Variants in NIBAN2 observed in about 807,000 individuals in gnomAD.
NIBAN2 encodes niban apoptosis regulator 2.
Under a neutral mutation model 81.8 loss-of-function variants are expected in NIBAN2, and 36 were observed. The ratio of observed to expected loss-of-function variants is 0.44; its 90% confidence interval spans 0.34 to 0.58. NIBAN2 has a LOEUF of 0.58. NIBAN2 is among the 20% of genes least tolerant of loss of function. The pLI is 0.02. For missense variants in NIBAN2, 897 were observed against 1,014.1 expected, an observed-to-expected ratio of 0.88 and a Z score of 1.57; for synonymous variants, 445 against 441.6, an observed-to-expected ratio of 1.01 and a Z score of -0.10.
intron 1 of NIBAN2, among the ~76,000 whole-genome samples, chr9:127,550,570 AT>A (rs1837557935): frequency 6.6e-6 from 1 of 152,250 alleles, no homozygotes; most frequent in Non-Finnish European, 1.5e-5. Context: ...ACTATGTGAC[AT>A]TAGACCAGAG....
rs1309368616 is a variant in NIBAN2 at position 127,552,687 on chromosome 9, T to TG, written c.55+16132_55+16133insC. Among the ~76,000 whole-genome samples the TG allele has an allele frequency of 5.9e-5, 8 of 135,132 alleles. No homozygotes were observed. In the East Asian group the frequency reaches 1.7e-3, roughly 29 times the overall value. The allele number at this position is 135,132 out of a possible 152,430, so 88.7% of individuals were successfully genotyped here. A position where few individuals can be genotyped will look rare whatever the true frequency, so the allele number is the denominator to read the frequency against. On this transcript the variant is annotated intron_variant, in intron 1 of 13. Coordinates refer to ENST00000373312, the MANE Select transcript of NIBAN2 (RefSeq NM_022833.4). ...ATTGAGGCGTAATGGAATATTCGTT[T>TG]TTTTTTTTTTTTTTTTTTTGAGACA...
intron 1 of NIBAN2, among the ~76,000 whole-genome samples, chr9:127,534,095 C>T (rs1837231191): frequency 1.3e-5 from 2 of 152,198 alleles, no homozygotes; most frequent in South Asian, 2.1e-4. Flanking sequence ...AGCTGCAGCT[C>T]GCGTCCCAAC....
chr9:127,528,655 G>A, intron 2 of NIBAN2, among the ~76,000 whole-genome samples: 1 of 151,940 alleles, frequency 6.6e-6, no homozygotes, highest in East Asian at 1.9e-4. Flanking sequence ...CTTCCTACCG[G>A]GTATAAAAAT....
intron 3 of NIBAN2, among the ~76,000 whole-genome samples, chr9:127,526,740 G>C (rs1039447252): frequency 6.6e-6 from 1 of 152,120 alleles, no homozygotes; most frequent in South Asian, 2.1e-4. Context: ...TGTCCTTCTC[G>C]GACACCTACC....
At chr9:127,527,948 C>T (rs1171612676) in intron 2 of NIBAN2, among the ~76,000 whole-genome samples, 1 of 152,178 alleles carries the variant, frequency 6.6e-6, no homozygotes, top group Non-Finnish European at 1.5e-5. Flanking sequence ...GATGTCTGAC[C>T]CGCGTCCTGG....
At chr9:127,571,838 A>C (rs1266839588), upstream of NIBAN2, among the ~76,000 whole-genome samples, 1 of 152,166 alleles carries the variant, frequency 6.6e-6, no homozygotes, top group Non-Finnish European at 1.5e-5. Context: ...ACCAAAAAAA[A>C]ACTGCCTTGT....
chr9:127,556,129 ACT>A (rs894609402), intron 1 of NIBAN2, among the ~76,000 whole-genome samples: 5 of 150,916 alleles, frequency 3.3e-5, no homozygotes, highest in African/African-American at 4.9e-5. Context: ...TCCAAGAAAG[ACT>A]CTACCCGCCT....
intron 1 of NIBAN2, among the ~76,000 whole-genome samples, chr9:127,578,718 G>A (rs561688175): frequency 6.6e-6 from 1 of 151,906 alleles, no homozygotes; most frequent in Non-Finnish European, 1.5e-5. Context: ...CTTGTCAGTG[G>A]GTGCTGTAGT....
chr9:127,564,608 C>T (rs111599367), intron 1 of NIBAN2, among the ~76,000 whole-genome samples: 4,163 of 152,278 alleles, frequency 0.027, 72 homozygotes, highest in Middle Eastern at 0.048. Context: ...CGTGGTGGCT[C>T]ATGCCTGTAA....
chr9:127,526,583 T>C (rs140928386), intron 3 of NIBAN2, among the ~76,000 whole-genome samples: 5 of 152,214 alleles, frequency 3.3e-5, no homozygotes, highest in Admixed American at 1.3e-4. Flanking sequence ...TGCTCTAACA[T>C]TGATCTTCCG....
chr9:127,510,362 G>A (rs1452393118), intron 8 of NIBAN2, 29 bp from the exon 9 acceptor site: 1 of 1,563,052 alleles, frequency 6.4e-7, no homozygotes, highest in East Asian at 2.3e-5. Context: ...GGGTCAGCAG[G>A]GGCTCCCCAA....
chr9:127,554,548 CTTTTTTTTTT>C (rs1230242603), intron 1 of NIBAN2, among the ~76,000 whole-genome samples: 1 of 103,706 alleles, frequency 9.6e-6, no homozygotes, highest in African/African-American at 3.7e-5. Context: ...TTTTCTTTTT[CTTTTTTTTTT>C]TTTTTTTTTT....
At chr9:127,569,406 C>T (rs942594218), upstream of NIBAN2, among the ~76,000 whole-genome samples, 1 of 151,860 alleles carries the variant, frequency 6.6e-6, no homozygotes, top group Non-Finnish European at 1.5e-5. Context: ...CCGCCCTGTA[C>T]CTAAGCAGAG....
At chr9:127,566,539 T>C (rs2132240600) in intron 1 of NIBAN2, among the ~76,000 whole-genome samples, 2 of 152,284 alleles carry the variant, frequency 1.3e-5, no homozygotes, top group Middle Eastern at 6.8e-3. Context: ...GCTTGACCTT[T>C]GCCAGGACTT....
upstream of NIBAN2, among the ~76,000 whole-genome samples, chr9:127,569,800 G>A (rs1037722726): frequency 3.9e-5 from 6 of 152,266 alleles, no homozygotes; most frequent in African/African-American, 1.4e-4. Context: ...CTCAGGCTCA[G>A]CATATGGGCA....
intron 1 of NIBAN2, among the ~76,000 whole-genome samples, chr9:127,578,354 CAAA>C (rs150337961): frequency 0.64 from 52,906 of 82,736 alleles, 14,565 homozygotes; most frequent in Middle Eastern, 0.75. Flanking sequence ...GACTTGGTCT[CAAA>C]AAAAAAAAAA....
rs760742429 is a variant in NIBAN2 at position 127,507,270 on chromosome 9, T to TGCTGGG, written c.1810_1815dup (p.Pro604_Ser605dup). ...TCCGAGAGGGTGGCTGACTCCGGGG[T>TGCTGGG]GCTGGGGCTGGGGCTGCCGCCCCCG... On this transcript the variant is annotated inframe_insertion, in exon 14 of 14. Transcript: ENST00000373312. This position sits in a 1 kb window ranked among gnomAD's most constrained non-coding sequence, Gnocchi z 6.8. The TGCTGGG allele has an allele frequency of 1.7e-5, 28 of 1,602,148 alleles. No homozygotes were observed. The highest frequency in any genetic ancestry group is 3.4e-5 in the Admixed American group (2 of 59,590).
chr9:127,573,311 T>TGG (rs111871619), upstream of NIBAN2, among the ~76,000 whole-genome samples: 2 of 151,494 alleles, frequency 1.3e-5, no homozygotes, highest in African/African-American at 2.4e-5. Flanking sequence ...CAGAATTTGT[T>TGG]GTTTTTTTTT....
At position 127,531,739 on chromosome 9, in the gene NIBAN2, T is replaced by C; in HGVS notation, c.95A>G (p.Tyr32Cys). ...GKILTEFLQF[Y>C]EDQYGVALFN... ...GAGAGCCACGCCATACTGGTCTTCA[T>C]AGAACTGGAGGAACTCCGTCAGGAT... is the stretch of plus-strand genomic sequence containing the variant. The change falls in exon 2 of 14, where the codon TAT becomes TGT. Residue 32 changes from tyrosine (Y) to cysteine (C), a missense_variant. Transcript: ENST00000373312. 1 of 1,614,184 alleles carries C rather than the reference T, an allele frequency of 6.2e-7. No individual in the cohort carries two copies. Among genetic ancestry groups the C allele is most frequent in the South Asian group, 1.1e-5 (1 of 91,086 alleles).
Sources: allele counts gnomAD v4.1 joint callset (sites outside exome capture counted in the v4.1 genomes callset), GRCh38; gene constraint gnomAD v4.1.1; non-coding constraint Gnocchi (gnomAD v3.1); transcripts MANE v1.5; gene names NCBI Gene and HGNC (gene_info 2026-07-23, HGNC 2026-07-21).